Variants in SLC5A4 observed in about 807,000 individuals in gnomAD.
The protein encoded by SLC5A4 is probable glucose sensor protein SLC5A4.
In SLC5A4, 55 loss-of-function variants were observed where a neutral mutation model predicts 70.3. That is an observed-to-expected ratio of 0.78 (90% CI 0.63 to 0.98). The LOEUF is 0.98. Ranked by LOEUF, SLC5A4 falls within the 50% of genes least tolerant of loss-of-function variation. The pLI is 0.00. For missense variants in SLC5A4, 735 were observed against 839.2 expected (o/e 0.88, Z 1.53); for synonymous variants, 268 against 305.7 (o/e 0.88, Z 1.29).
chr22:32,340,881 C>T, the SLC5A4 span, among the ~76,000 whole-genome samples: 1 of 152,108 alleles, frequency 6.6e-6, no homozygotes, highest in Non-Finnish European at 1.5e-5. Context: ...CTGCCACTGT[C>T]GGGGACACAG....
At chr22:32,236,939 C>T (rs978066177) in intron 7 of SLC5A4, among the ~76,000 whole-genome samples, 7 of 152,020 alleles carry the variant, frequency 4.6e-5, no homozygotes, top group African/African-American at 7.2e-5. Context: ...CTCCTGACCT[C>T]GTGATCCACC....
chr22:32,255,167 C>T (rs1261828982), intron 1 of SLC5A4, 28 bp downstream of exon 1: 5 of 1,612,478 alleles, frequency 3.1e-6, no homozygotes, highest in Non-Finnish European at 4.2e-6. Context: ...CTTGTGCCCA[C>T]CCTAAAAGCC....
intron 5 of SLC5A4, among the ~76,000 whole-genome samples, chr22:32,244,716 A>C (rs540874166): frequency 6.6e-6 from 1 of 151,928 alleles, no homozygotes; most frequent in South Asian, 2.1e-4. Flanking sequence ...TTTGGTAGAG[A>C]TAAGGGTCTC....
At chr22:32,237,786 CA>C (rs1179087300) in intron 6 of SLC5A4, among the ~76,000 whole-genome samples, 1 of 152,048 alleles carries the variant, frequency 6.6e-6, no homozygotes, top group East Asian at 1.9e-4. Context: ...TGAACAACAA[CA>C]ACAACAAAAA....
the SLC5A4 span, among the ~76,000 whole-genome samples, chr22:32,339,003 T>A: frequency 2.6e-5 from 4 of 152,182 alleles, no homozygotes; most frequent in African/African-American, 9.7e-5. Flanking sequence ...TGCCCCGCTG[T>A]AGGGAAATGA....
At chr22:32,328,357 T>C in the SLC5A4 span, among the ~76,000 whole-genome samples, 6 of 152,060 alleles carry the variant, frequency 3.9e-5, no homozygotes, top group Non-Finnish European at 7.4e-5. Context: ...GGCTCGCTTG[T>C]AACAAATGGA....
chr22:32,263,750 G>A, the SLC5A4 span, among the ~76,000 whole-genome samples: 2 of 152,116 alleles, frequency 1.3e-5, no homozygotes, highest in Admixed American at 6.5e-5. Context: ...ACATGCACAC[G>A]TATTTTTATT....
chr22:32,352,397 C>T, the SLC5A4 span, among the ~76,000 whole-genome samples: 1 of 147,194 alleles, frequency 6.8e-6, no homozygotes, highest in Non-Finnish European at 1.5e-5. Context: ...TGCTCATGTA[C>T]CCCAGAAATT....
At chr22:32,313,161 G>A in the SLC5A4 span, among the ~76,000 whole-genome samples, 2 of 152,202 alleles carry the variant, frequency 1.3e-5, no homozygotes, top group Admixed American at 1.3e-4. Context: ...TTAGTAGAAT[G>A]GAGAGTGCAT....
chr22:32,263,126 C>G, the SLC5A4 span, among the ~76,000 whole-genome samples: 1 of 150,742 alleles, frequency 6.6e-6, no homozygotes, highest in Non-Finnish European at 1.5e-5. Flanking sequence ...CATTCACTGC[C>G]TGCTGAGTAG....
intron 1 of SLC5A4, among the ~76,000 whole-genome samples, chr22:32,254,803 CAA>C (rs566118302): frequency 1.8e-5 from 2 of 113,648 alleles, no homozygotes; most frequent in Non-Finnish European, 3.7e-5. Context: ...GACTCCGTCT[CAA>C]AAAAAAAAAA....
the SLC5A4 span, among the ~76,000 whole-genome samples, chr22:32,329,702 G>A: frequency 8.3e-3 from 144 of 17,442 alleles, 16 homozygotes; most frequent in Middle Eastern, 0.019. Context: ...TGTGTTGGGG[G>A]CTCTGGTGTG....
chr22:32,247,634 A>T, intron 4 of SLC5A4, 119 bp from the exon 5 acceptor site: 1 of 687,896 alleles, frequency 1.5e-6, no homozygotes. Context: ...CTTCCTGGTG[A>T]TGGAACCATG....
At chr22:32,260,012 G>A (rs890514420), upstream of SLC5A4, among the ~76,000 whole-genome samples, 7 of 152,198 alleles carry the variant, frequency 4.6e-5, no homozygotes, top group Non-Finnish European at 7.3e-5. Context: ...GGGGAGCAGC[G>A]AAGGCCCAGG....
intron 5 of SLC5A4, among the ~76,000 whole-genome samples, chr22:32,244,152 A>G (rs1220413586): frequency 2.0e-5 from 3 of 152,252 alleles, no homozygotes; most frequent in Non-Finnish European, 2.9e-5. Flanking sequence ...ACTCGGTTGT[A>G]CAAATGCAAA....
the SLC5A4 span, among the ~76,000 whole-genome samples, chr22:32,269,150 C>A: frequency 6.6e-6 from 1 of 152,296 alleles, no homozygotes; most frequent in Admixed American, 6.5e-5. The surrounding 1 kb of genome is among the most constrained non-coding windows in gnomAD (Gnocchi z 4.1). Context: ...CCTGGCCTCC[C>A]AAAGTGCTGG....
the SLC5A4 span, among the ~76,000 whole-genome samples, chr22:32,317,746 A>G: frequency 6.6e-6 from 1 of 152,230 alleles, no homozygotes; most frequent in African/African-American, 2.4e-5. Context: ...AATTACAGGC[A>G]AGAGCCACCA....
chr22:32,321,616 C>T, the SLC5A4 span, among the ~76,000 whole-genome samples: 1 of 152,216 alleles, frequency 6.6e-6, no homozygotes, highest in Non-Finnish European at 1.5e-5. Flanking sequence ...TCCCCCTCCT[C>T]CCACCTTCCG....
At chr22:32,289,443 G>A in the SLC5A4 span, among the ~76,000 whole-genome samples, 1 of 152,132 alleles carries the variant, frequency 6.6e-6, no homozygotes, top group African/African-American at 2.4e-5. Flanking sequence ...GAGTTCTCAG[G>A]AGATCTGATG....
Sources: gnomAD v4.1 joint callset for allele counts (sites outside exome capture counted in the v4.1 genomes callset) on GRCh38, gnomAD v4.1.1 for gene constraint, Gnocchi (gnomAD v3.1) non-coding constraint, MANE v1.5 for transcripts, NCBI Gene and HGNC (gene_info 2026-07-23, HGNC 2026-07-21) for gene names.